GPC5: variants seen among roughly 807,000 people sequenced by gnomAD.
GPC5 encodes the protein glypican-5.
A neutral mutation model predicts 53.9 loss-of-function variants in GPC5; 47 were observed. The ratio of observed to expected loss-of-function variants is 0.87; its 90% CI spans 0.69 to 1.11. The LOEUF is 1.11. Among genes scored for constraint, GPC5 ranks in the 50% most tolerant of loss-of-function variants. The pLI is 0.00. For synonymous variants in GPC5, 286 were observed against 263.3 expected, an observed-to-expected ratio of 1.09 and a Z score of -0.84; for missense variants, 748 against 713.1, an observed-to-expected ratio of 1.05 and a Z score of -0.56.
intron 5 of GPC5, among the ~76,000 whole-genome samples, chr13:91,907,227 T>TAA (rs2039562621): frequency 6.7e-6 from 1 of 149,264 alleles, no homozygotes; most frequent in Admixed American, 6.7e-5. Flanking sequence ...TTCTTAACTC[T>TAA]AAGTCCCTCT....
At chr13:92,130,420 A>G (rs1026144555) in intron 6 of GPC5, among the ~76,000 whole-genome samples, 1 of 152,036 alleles carries the variant, frequency 6.6e-6, no homozygotes, top group Non-Finnish European at 1.5e-5. Context: ...TAGAAACTAT[A>G]TGATTAACAC....
intron 7 of GPC5, among the ~76,000 whole-genome samples, chr13:92,640,461 C>T (rs1287466316): frequency 6.6e-6 from 1 of 152,064 alleles, no homozygotes; most frequent in African/African-American, 2.4e-5. Flanking sequence ...GGAGTTTCAC[C>T]GTGTTAGCCA....
chr13:91,609,834 T>C (rs1297288041), intron 2 of GPC5, among the ~76,000 whole-genome samples: 3 of 152,224 alleles, frequency 2.0e-5, no homozygotes, highest in Non-Finnish European at 4.4e-5. Flanking sequence ...AAACCCAGGC[T>C]GTTCCAGATA....
intron 2 of GPC5, among the ~76,000 whole-genome samples, chr13:91,667,387 T>C (rs143010085): frequency 3.3e-5 from 5 of 152,334 alleles, no homozygotes; most frequent in African/African-American, 1.2e-4. Flanking sequence ...TCATAATGAT[T>C]CCTTTTAATT....
At chr13:92,754,237 T>C (rs1187792487) in intron 7 of GPC5, among the ~76,000 whole-genome samples, 1 of 152,066 alleles carries the variant, frequency 6.6e-6, no homozygotes, top group Non-Finnish European at 1.5e-5. Flanking sequence ...CTAAGCTTCA[T>C]AAGTGAAGGA....
intron 6 of GPC5, among the ~76,000 whole-genome samples, chr13:92,051,771 A>G (rs1277612457): frequency 1.3e-5 from 2 of 152,214 alleles, no homozygotes; most frequent in East Asian, 3.9e-4. Flanking sequence ...CTCATATAAA[A>G]ATTAACAAGA....
At chr13:91,574,674 G>A (rs2032068560) in intron 2 of GPC5, among the ~76,000 whole-genome samples, 1 of 152,070 alleles carries the variant, frequency 6.6e-6, no homozygotes, top group African/African-American at 2.4e-5. Flanking sequence ...AAGTACTGAG[G>A]TGGTCATCAC....
intron 6 of GPC5, among the ~76,000 whole-genome samples, chr13:91,976,289 T>TA (rs561979852): frequency 1.3e-5 from 2 of 152,140 alleles, no homozygotes; most frequent in South Asian, 4.2e-4. Flanking sequence ...AAAGAAAATT[T>TA]AAAAAAATAG....
chr13:92,443,536 T>A (rs558359880), intron 7 of GPC5, among the ~76,000 whole-genome samples: 98 of 138,184 alleles, frequency 7.1e-4, no homozygotes, highest in Non-Finnish European at 1.3e-3. Context: ...AAAATATACT[T>A]GTGTTACAAA....
At chr13:92,594,726 C>CA (rs1315715595) in intron 7 of GPC5, among the ~76,000 whole-genome samples, 1 of 151,814 alleles carries the variant, frequency 6.6e-6, no homozygotes. Flanking sequence ...GTCATGTTTA[C>CA]AAAAAAAGGA....
At position 91,454,087 on chromosome 13, in the gene GPC5, C is replaced by G. The variant is rs147765515; in HGVS notation, c.325+5165C>G. Among the ~76,000 whole-genome samples, 523 of 152,174 alleles carry G rather than the reference C, an allele frequency of 3.4e-3. 3 individuals are homozygous for G. Among genetic ancestry groups the G allele is most frequent in the African/African-American group, 0.012 (506 of 41,572 alleles). Reference sequence around the variant, plus strand: ...GCATGGTTTAGTGTGTTATCTAATACAGCAGCTATCAGTGCAATTGGTCTT... The same window carrying G: ...GCATGGTTTAGTGTGTTATCTAATAGAGCAGCTATCAGTGCAATTGGTCTT... On this transcript the variant is annotated intron_variant, in intron 2 of 7. Transcript: ENST00000377067.
rs9583966 is a variant in GPC5 at position 91,830,479 on chromosome 13, C to G, written c.1280+74059C>G. On this transcript the variant is annotated intron_variant, in intron 5 of 7. Transcript: ENST00000377067. ...ATTAGGAGATTAAAGTAAAGACAGG[C>G]CTAGGAAATCACAAGGGTATTGATT... is the stretch of plus-strand genomic sequence containing the variant. Among the ~76,000 whole-genome samples, 433 of 151,814 alleles carry G rather than the reference C, an allele frequency of 2.9e-3. 1 individual carries two copies. The highest frequency in any genetic ancestry group is 9.8e-3 in the African/African-American group (407 of 41,374).
chr13:91,645,014 T>A (rs963466619), intron 2 of GPC5, among the ~76,000 whole-genome samples: 3 of 152,246 alleles, frequency 2.0e-5, no homozygotes, highest in Admixed American at 6.5e-5. Flanking sequence ...CATAAAGCTG[T>A]GTGTTTATAT....
At chr13:92,473,717 C>A (rs1254030806) in intron 7 of GPC5, among the ~76,000 whole-genome samples, 1 of 152,042 alleles carries the variant, frequency 6.6e-6, no homozygotes, top group Non-Finnish European at 1.5e-5. Flanking sequence ...TGCATTGGAA[C>A]TTTTAATTCC....
intron 2 of GPC5, among the ~76,000 whole-genome samples, chr13:91,639,200 G>GTAAACAGA (rs1566573102): frequency 6.6e-6 from 1 of 152,144 alleles, no homozygotes; most frequent in African/African-American, 2.4e-5. Flanking sequence ...ATTATTATAG[G>GTAAACAGA]TAAACAGATA....
chr13:92,218,620 AT>A (rs2042427637), intron 7 of GPC5, among the ~76,000 whole-genome samples: 1 of 152,174 alleles, frequency 6.6e-6, no homozygotes, highest in Non-Finnish European at 1.5e-5. Flanking sequence ...TTAAAGGTCC[AT>A]AAAAATCCCA....
At chr13:92,844,833 T>C (rs1878558550) in intron 7 of GPC5, among the ~76,000 whole-genome samples, 1 of 152,216 alleles carries the variant, frequency 6.6e-6, no homozygotes, top group African/African-American at 2.4e-5. Flanking sequence ...CAAATATTTA[T>C]ACCAGTAAAT....
At chr13:91,791,784 C>T (rs747153424) in intron 5 of GPC5, among the ~76,000 whole-genome samples, 1 of 152,096 alleles carries the variant, frequency 6.6e-6, no homozygotes, top group Admixed American at 6.6e-5. Flanking sequence ...CAGCATCTCT[C>T]TCTCTAGATG....
In GPC5 at chr13:92,380,646, A is replaced by G. The variant is rs539188434; in HGVS notation, c.1561+235657A>G. ...CATGTCCTTTGTAGGGACGTGGATG[A>G]AATTGGAAATCATCATTCTCAGCAA... On this transcript the variant is annotated intron_variant, in intron 7 of 7. Transcript: ENST00000377067. Among the ~76,000 whole-genome samples the G allele has an allele frequency of 3.1e-4, 47 of 151,864 alleles. 1 individual carries two copies. The East Asian group carries it at 7.8e-3, about 25-fold the overall frequency.
Sources: gnomAD v4.1 joint callset for allele counts (sites outside exome capture counted in the v4.1 genomes callset) on GRCh38, gnomAD v4.1.1 for gene constraint, MANE v1.5 for transcripts, NCBI Gene and HGNC (gene_info 2026-07-23, HGNC 2026-07-21) for gene names.